The following IL6R variants were observed in gnomAD, a reference collection of about 807,000 sequenced individuals.
IL6R encodes interleukin-6 receptor subunit alpha.
IL6R carries 38 observed loss-of-function variants against 48.3 expected under a neutral mutation model. The observed-to-expected ratio is 0.79, with a 90% CI of 0.61 to 1.03. The LOEUF is 1.03. Among genes scored for constraint, IL6R ranks in the 50% least tolerant of loss-of-function variants. IL6R has a pLI of 0.00. For missense variants in IL6R, 534 were observed against 618.3 expected, an observed-to-expected ratio of 0.86 and a Z score of 1.45; for synonymous variants, 264 against 256.2, an observed-to-expected ratio of 1.03 and a Z score of -0.29.
At chr1:154,459,513 A>G (rs1474945994) in intron 9 of IL6R, among the ~76,000 whole-genome samples, 2 of 152,204 alleles carry the variant, frequency 1.3e-5, no homozygotes, top group Non-Finnish European at 2.9e-5. Context: ...TTACCATGGG[A>G]TGGCCACATT....
chr1:154,449,172 C>G (rs12029572), intron 7 of IL6R, among the ~76,000 whole-genome samples: 146,654 of 146,684 alleles, frequency 1, 73,312 homozygotes, highest in Middle Eastern at 1. Flanking sequence ...TGGGATTACA[C>G]GCGTGAGCCA....
intron 1 of IL6R, 56 bp from the exon 2 acceptor site, chr1:154,429,140 C>T (rs1297750070): frequency 3.3e-5 from 52 of 1,569,266 alleles, no homozygotes; most frequent in African/African-American, 9.4e-5. Context: ...CAGACCAGAA[C>T]GAAGCCCCCT....
At chr1:154,416,068 A>G (rs192800835) in intron 1 of IL6R, among the ~76,000 whole-genome samples, 2 of 152,190 alleles carry the variant, frequency 1.3e-5, no homozygotes, top group African/African-American at 4.8e-5. Context: ...AGTCTCTTCC[A>G]TAATTTGGTC....
intron 8 of IL6R, among the ~76,000 whole-genome samples, chr1:154,451,236 G>C (rs1037915994): frequency 2.6e-5 from 4 of 152,196 alleles, no homozygotes; most frequent in Non-Finnish European, 5.9e-5. Flanking sequence ...GGTTGCTATG[G>C]GCCGGGCGCG....
intron 9 of IL6R, among the ~76,000 whole-genome samples, chr1:154,457,246 C>T (rs1247261032): frequency 6.7e-6 from 1 of 148,236 alleles, no homozygotes; most frequent in Non-Finnish European, 1.5e-5. Flanking sequence ...TTGCTTGAAC[C>T]CAGGAGGCAG....
At chr1:154,444,744 T>A (rs1690122312) in intron 6 of IL6R, among the ~76,000 whole-genome samples, 1 of 150,930 alleles carries the variant, frequency 6.6e-6, no homozygotes, top group African/African-American at 2.4e-5. Context: ...AAAAAAAAGT[T>A]AAAAAAAAAT....
At chr1:154,455,693 C>A (rs1571003841) in intron 9 of IL6R, among the ~76,000 whole-genome samples, 1 of 151,300 alleles carries the variant, frequency 6.6e-6, no homozygotes, top group East Asian at 2.0e-4. Context: ...ACCTCGTGAT[C>A]CGCCTGCCTC....
rs57342848 is a variant in IL6R, at chr1:154,448,292, G to A, written c.996+121G>A. Reference sequence around the variant, plus strand: ...TGTCACTAGTAGAAATGTGGTCGTGGTGAGTTACCTGTGCTTTTCAAACCT... The same window carrying A: ...TGTCACTAGTAGAAATGTGGTCGTGATGAGTTACCTGTGCTTTTCAAACCT... On this transcript the variant is annotated intron_variant, in intron 7 of 9. Transcript: ENST00000368485. 9.2e-3 allele frequency: 6,973 copies of A among 760,362 alleles called. 43 individuals carry two copies. The highest frequency in any genetic ancestry group is 0.019 in the African/African-American group (1,122 of 58,230). 47.1% of individuals were successfully genotyped at this position (760,362 alleles called of 1,614,324 possible). A position where few individuals can be genotyped will look rare whatever the true frequency, so the allele number is the denominator to read the frequency against.
intron 1 of IL6R, among the ~76,000 whole-genome samples, chr1:154,427,387 C>T (rs1425208767): frequency 6.6e-6 from 1 of 152,164 alleles, no homozygotes. Flanking sequence ...AGGACTTGCC[C>T]ACCGTGGGAG....
chr1:154,450,478 A>G (rs1429390314), intron 8 of IL6R, among the ~76,000 whole-genome samples: 1 of 152,236 alleles, frequency 6.6e-6, no homozygotes, highest in Non-Finnish European at 1.5e-5. Flanking sequence ...TAGCTAAGAT[A>G]TAATGAGGAG....
chr1:154,468,121 A>C lies in IL6R; in HGVS notation c.*2741A>C, dbSNP rs1691639315. On this transcript the variant is annotated 3_prime_UTR_variant, in exon 10 of 10. Coordinates refer to ENST00000368485, the MANE Select transcript of IL6R (RefSeq NM_000565.4). ...GGGTTGTTTTCCCTTTATTTTTCAT[A>C]AGCTAATGTAAATGAAGAAAAAATG... 6.6e-6 allele frequency: 1 copy of C among 152,054 alleles called. No individual in the cohort carries two copies. The highest frequency in any genetic ancestry group is 1.5e-5 in the Non-Finnish European group (1 of 68,024). The allele number at this position is 152,054 out of a possible 1,614,324, so 9.4% of individuals were successfully genotyped here.
chr1:154,467,439 C>T lies in IL6R; in HGVS notation c.*2059C>T, dbSNP rs1691606293. The T allele has an allele frequency of 6.6e-6, 1 of 152,164 alleles. No individual in the cohort carries two copies. The highest frequency in any genetic ancestry group is 1.5e-5 in the Non-Finnish European group (1 of 68,024). The allele number at this position is 152,164 out of a possible 1,614,324, so 9.4% of individuals were successfully genotyped here. On this transcript the variant is annotated 3_prime_UTR_variant, in exon 10 of 10. Transcript: ENST00000368485. ...TAATACTCTACCCTCTTAGAAAAAC[C>T]ACCACCATCACCAGACAGGTGCGAA...
At chr1:154,457,578 C>G (rs1690962423) in intron 9 of IL6R, among the ~76,000 whole-genome samples, 1 of 152,178 alleles carries the variant, frequency 6.6e-6, no homozygotes, top group South Asian at 2.1e-4. Context: ...ATCATCTTCG[C>G]TCCATTTGGT....
chr1:154,458,743 A>G (rs538301599), intron 9 of IL6R, among the ~76,000 whole-genome samples: 24 of 152,246 alleles, frequency 1.6e-4, no homozygotes, highest in African/African-American at 5.5e-4. Context: ...TCTACTAAAA[A>G]TACAAAAATT....
intron 6 of IL6R, among the ~76,000 whole-genome samples, chr1:154,440,704 G>A (rs1041074580): frequency 7.0e-6 from 1 of 143,430 alleles, no homozygotes; most frequent in Admixed American, 7.7e-5. Flanking sequence ...ACCCAGTCTG[G>A]AGTGCAGTGG....
At chr1:154,415,681 T>C (rs556523205) in intron 1 of IL6R, among the ~76,000 whole-genome samples, 1 of 152,286 alleles carries the variant, frequency 6.6e-6, no homozygotes, top group South Asian at 2.1e-4. Context: ...TAAAAACACA[T>C]AATATAAAAT....
In IL6R at chr1:154,467,496, T is replaced by C. The variant is rs1021473443; in HGVS notation, c.*2116T>C. ...AAAGTGACCATGTTTTGTTTACGGT[T>C]TTCCAGGTTTAAGCTGTTACTGTCT... On this transcript the variant is annotated 3_prime_UTR_variant, in exon 10 of 10. Coordinates refer to ENST00000368485, the MANE Select transcript of IL6R (RefSeq NM_000565.4). The C allele has an allele frequency of 6.6e-6, 1 of 152,282 alleles. No homozygotes were observed. Among genetic ancestry groups the C allele is most frequent in the African/African-American group, 2.4e-5 (1 of 41,462 alleles). The allele number at this position is 152,282 out of a possible 1,614,324, so 9.4% of individuals were successfully genotyped here.
intron 6 of IL6R, among the ~76,000 whole-genome samples, chr1:154,439,756 C>T (rs1263541680): frequency 6.6e-6 from 1 of 152,198 alleles, no homozygotes; most frequent in Non-Finnish European, 1.5e-5. Flanking sequence ...CTTTCACCCA[C>T]TCCTTCCCCC....
Position 154,449,993 on chromosome 1 carries a change from T to A in IL6R, c.1066+13T>A. ...ACAAGCCTCCCAGGTAAGGACTGGG[T>A]ATTTTCATATTCCCAGGGTCCGAGG... On this transcript the variant is annotated intron_variant, in intron 8 of 9. Transcript: ENST00000368485. The A allele has an allele frequency of 1.3e-6, 2 of 1,520,232 alleles. No homozygotes were observed. Among genetic ancestry groups the A allele is most frequent in the Non-Finnish European group, 1.8e-6 (2 of 1,094,394 alleles). The allele number at this position is 1,520,232 out of a possible 1,614,324, so 94.2% of individuals were successfully genotyped here. A position where few individuals can be genotyped will look rare whatever the true frequency, so the allele number is the denominator to read the frequency against.
Sources: gnomAD v4.1 joint callset for allele counts (sites outside exome capture counted in the v4.1 genomes callset) on GRCh38, gnomAD v4.1.1 for gene constraint, MANE v1.5 for transcripts, NCBI Gene and HGNC (gene_info 2026-07-23, HGNC 2026-07-21) for gene names.